The following DNAJC16 variants were observed in gnomAD, a reference collection of about 807,000 sequenced individuals.
DNAJC16 encodes the protein dnaJ homolog subfamily C member 16.
A neutral mutation model predicts 92.7 loss-of-function variants in DNAJC16; 76 were observed. That is an observed-to-expected ratio of 0.82 (90% CI 0.68 to 0.99). The LOEUF (loss-of-function observed/expected upper bound fraction) is 0.99. Ranked by LOEUF, DNAJC16 falls within the 50% of genes least tolerant of loss-of-function variation. The probability of loss-of-function intolerance (pLI) is 0.00; values close to 1 mark genes in which losing one functional copy is unlikely to be tolerated. For missense variants in DNAJC16, 869 were observed against 942.4 expected (o/e 0.92, Z 1.02); for synonymous variants, 328 against 358.7 (o/e 0.91, Z 0.97).
chr1:15,568,602 C>T lies in DNAJC16; in HGVS notation c.*425C>T. 2.5e-6 allele frequency: 1 copy of T among 406,598 alleles called. No individual in the cohort carries two copies. The highest frequency in any genetic ancestry group is 4.3e-6 in the Non-Finnish European group (1 of 230,638). 25.2% of individuals were successfully genotyped at this position (406,598 alleles called of 1,614,324 possible). On this transcript the variant is annotated 3_prime_UTR_variant, in exon 15 of 15. Transcript: ENST00000375847. ...GGCCCCTTCCCCAATCCCGGCCCTG[C>T]TGTGCTGCTGCCATGGCGCATGCTC...
intron 6 of DNAJC16, among the ~76,000 whole-genome samples, chr1:15,547,551 T>G (rs1570913491): frequency 6.6e-6 from 1 of 151,868 alleles, no homozygotes. Context: ...CAAGCAATTC[T>G]TTCACCTCTG....
intron 6 of DNAJC16, 44 bp downstream of exon 6, chr1:15,546,915 CT>C (rs76961003): frequency 0.14 from 123,765 of 893,318 alleles, 17 homozygotes; most frequent in Middle Eastern, 0.15. Context: ...CTTTTCTTTT[CT>C]TTTTTTTTTT....
rs372060995 is a variant in DNAJC16 at position 15,550,482 on chromosome 1, T to A, written c.1023+2054T>A. 4.6e-5 allele frequency among the ~76,000 whole-genome samples: 7 copies of A among 152,360 alleles called. No individual in the cohort carries two copies. The South Asian group carries it at 6.2e-4, about 14-fold the overall frequency. Reference sequence around the variant, plus strand: ...TCCTGTTGCTCTAGGTAATTTGTTGTCATTGCTATATGGTATTTATGGCCA... The same window carrying A: ...TCCTGTTGCTCTAGGTAATTTGTTGACATTGCTATATGGTATTTATGGCCA... On this transcript the variant is annotated intron_variant, in intron 7 of 14. Transcript: ENST00000375847.
At chr1:15,567,611 C>T (rs543216200) in intron 14 of DNAJC16, among the ~76,000 whole-genome samples, 167 bp from the exon 15 acceptor site, 1 of 152,242 alleles carries the variant, frequency 6.6e-6, no homozygotes, top group South Asian at 2.1e-4. Context: ...GTCGCAGCTG[C>T]TGGAGAGGCA....
At chr1:15,539,619 A>G (rs1022535494) in intron 4 of DNAJC16, among the ~76,000 whole-genome samples, 1 of 151,836 alleles carries the variant, frequency 6.6e-6, no homozygotes, top group Admixed American at 6.6e-5. Context: ...ATCATGGCTC[A>G]CTGCAACCTC....
intron 2 of DNAJC16, among the ~76,000 whole-genome samples, 158 bp downstream of exon 2, chr1:15,529,430 A>G (rs991887874): frequency 8.5e-5 from 13 of 152,206 alleles, no homozygotes; most frequent in African/African-American, 2.2e-4. Flanking sequence ...TTCATGTTCT[A>G]TAATTGTTAG....
At chr1:15,541,096 T>C (rs965465312) in intron 4 of DNAJC16, among the ~76,000 whole-genome samples, 28 of 152,114 alleles carry the variant, frequency 1.8e-4, no homozygotes, top group African/African-American at 6.3e-4. Flanking sequence ...TGCAGAATGA[T>C]TGTGAGTATG....
At chr1:15,541,597 A>C (rs142600944) in intron 4 of DNAJC16, among the ~76,000 whole-genome samples, 5 of 152,184 alleles carry the variant, frequency 3.3e-5, no homozygotes, top group Admixed American at 2.6e-4. Context: ...TCTGCTCAGC[A>C]GTTTTAAAAC....
At chr1:15,565,297 G>A (rs1638783239) in intron 11 of DNAJC16, 1 of 154,524 alleles carries the variant, frequency 6.5e-6, no homozygotes, top group Non-Finnish European at 1.4e-5. Flanking sequence ...GTGTATAGAT[G>A]TAAAAGGAAT....
rs2103430982 is a variant in DNAJC16 at position 15,568,684 on chromosome 1, T to G, written c.*507T>G. On this transcript the variant is annotated 3_prime_UTR_variant, in exon 15 of 15. Transcript: ENST00000375847. ...CCCCGCATCTGGAAAAAGGCCCCTT[T>G]CCAAGCAATCTCACGTTTACTGGTT... The G allele has an allele frequency of 2.5e-6, 1 of 399,224 alleles. No homozygotes were observed. Among genetic ancestry groups the G allele is most frequent in the Non-Finnish European group, 4.4e-6 (1 of 226,530 alleles). The allele number at this position is 399,224 out of a possible 1,614,324, so 24.7% of individuals were successfully genotyped here. A position where few individuals can be genotyped will look rare whatever the true frequency, so the allele number is the denominator to read the frequency against.
rs572772535 is a variant in DNAJC16 at position 15,554,210 on chromosome 1, A to C, written c.1024-5316A>C. On this transcript the variant is annotated intron_variant, in intron 7 of 14. Transcript: ENST00000375847. Reference sequence around the variant, plus strand: ...AGAGCAAGACCCTGTCTCAAAAAAAAAAAAGAAAGAAAATTGCATGATAGG... The same window carrying C: ...AGAGCAAGACCCTGTCTCAAAAAAACAAAAGAAAGAAAATTGCATGATAGG... 6.6e-5 allele frequency among the ~76,000 whole-genome samples: 10 copies of C among 152,232 alleles called. No individual in the cohort carries two copies. In the South Asian group the frequency reaches 2.1e-3, roughly 32 times the overall value.
intron 7 of DNAJC16, among the ~76,000 whole-genome samples, chr1:15,556,070 G>T (rs1177454119): frequency 6.7e-6 from 1 of 149,262 alleles, no homozygotes. Flanking sequence ...GAGGTGGGAG[G>T]ACCACTTGAG....
chr1:15,529,408 G>T, intron 2 of DNAJC16, 136 bp downstream of exon 2: 1 of 867,102 alleles, frequency 1.2e-6, no homozygotes, highest in Non-Finnish European at 1.6e-6. Context: ...ATTTTACGCA[G>T]GAGAGCTAAT....
chr1:15,566,092 G>C lies in DNAJC16; in HGVS notation c.1690G>C (p.Asp564His), dbSNP rs183803992. Residue 564 changes from aspartate to histidine, a missense_variant, in exon 13 of 15, where the codon GAT becomes CAT. Asp to His is a moderately conservative substitution (Grantham distance 81). Coordinates refer to ENST00000375847, the MANE Select transcript of DNAJC16 (RefSeq NM_015291.4). ...TTTTTCTTACTTTAGCGACTCTAAT[G>C]ATGAGCGAGAGTCAAGCCCTCCAGA... ...VIVQAFSDSN[D>H]ERESSPPEKE... 133 of 1,613,836 alleles carry C rather than the reference G, an allele frequency of 8.2e-5. No homozygotes were observed. In the East Asian group the frequency reaches 2.9e-3, roughly 35 times the overall value.
chr1:15,536,063 TTTTCTTTTC>T (rs547767156), intron 3 of DNAJC16, among the ~76,000 whole-genome samples: 13,212 of 117,666 alleles, frequency 0.11, 1,165 homozygotes, highest in African/African-American at 0.3. Context: ...TTTTCTTTTC[TTTTCTTTTC>T]TTTTTTTTTT....
chr1:15,541,670 A>G (rs1010329777), intron 4 of DNAJC16, among the ~76,000 whole-genome samples: 2 of 152,218 alleles, frequency 1.3e-5, no homozygotes, highest in Non-Finnish European at 1.5e-5. Flanking sequence ...CTAATTAGAA[A>G]ATAAGCGCAC....
intron 9 of DNAJC16, among the ~76,000 whole-genome samples, chr1:15,563,319 A>G (rs1638733264): frequency 6.6e-6 from 1 of 151,044 alleles, no homozygotes; most frequent in African/African-American, 2.4e-5. Flanking sequence ...ACTTGAGGCT[A>G]GGAGTTTGAG....
In DNAJC16 at chr1:15,546,845, A is replaced by G; in HGVS notation, c.838A>G (p.Thr280Ala). The G allele has an allele frequency of 2.5e-6, 4 of 1,613,404 alleles. No individual in the cohort carries two copies. The highest frequency in any genetic ancestry group is 3.4e-6 in the Non-Finnish European group (4 of 1,179,776). ...NKPHVLLFDQ[T>A]PIVPLLYKLT... Reference sequence around the variant, plus strand: ...GCCTCATGTCCTTCTGTTTGACCAAACGCCCATTGTGCCACTGTTATACAA... The same window carrying G: ...GCCTCATGTCCTTCTGTTTGACCAAGCGCCCATTGTGCCACTGTTATACAA... The change falls in exon 6 of 15, where the codon ACG (threonine) becomes GCG (alanine). Residue 280 changes from threonine to alanine, a missense_variant. Thr to Ala is a moderately conservative substitution (Grantham distance 58, BLOSUM62 0). Coordinates refer to ENST00000375847, the MANE Select transcript of DNAJC16 (RefSeq NM_015291.4).
At position 15,529,252 on chromosome 1, in the gene DNAJC16, T is replaced by C. The variant is rs1325000587; in HGVS notation, c.147T>C (p.Tyr49=). ...TASQADIKKA[Y]KKLAREWHPD... is the part of the protein sequence containing the mutation. ...GTCAGGCTGATATTAAAAAGGCTTATAAGAAGCTCGCCCGGGAATGGTAGG... is the reference window on the plus strand; with the variant it reads ...GTCAGGCTGATATTAAAAAGGCTTACAAGAAGCTCGCCCGGGAATGGTAGG... The change falls in exon 2 of 15, where the codon TAT becomes TAC. Residue 49 remains tyrosine, a synonymous_variant. Coordinates refer to ENST00000375847, the MANE Select transcript of DNAJC16 (RefSeq NM_015291.4). The C allele has an allele frequency of 6.2e-7, 1 of 1,610,890 alleles. No individual in the cohort carries two copies. Among genetic ancestry groups the C allele is most frequent in the Admixed American group, 1.7e-5 (1 of 59,906 alleles).
Sources: gnomAD v4.1 joint callset for allele counts (sites outside exome capture counted in the v4.1 genomes callset) on GRCh38, gnomAD v4.1.1 for gene constraint, MANE v1.5 for transcripts, NCBI Gene and HGNC (gene_info 2026-07-23, HGNC 2026-07-21) for gene names.